POGLUT2: variants seen among roughly 807,000 people sequenced by gnomAD.
POGLUT2 encodes ER protein 58.
In POGLUT2, 47 loss-of-function variants were observed where a neutral mutation model predicts 57.6. The ratio of observed to expected loss-of-function variants is 0.82; its 90% CI spans 0.65 to 1.04. The LOEUF is 1.04. POGLUT2 is among the 50% of genes least tolerant of loss of function. The pLI is 0.00. For synonymous variants in POGLUT2, 200 were observed against 218.8 expected (o/e 0.91, Z 0.76); for missense variants, 565 against 614.8 (o/e 0.92, Z 0.86).
In POGLUT2 at chr13:102,791,138, C is replaced by T; in HGVS notation, c.846G>A (p.Arg282=). 1 of 1,613,428 alleles carries T rather than the reference C, an allele frequency of 6.2e-7. No individual in the cohort carries two copies. Among genetic ancestry groups the T allele is most frequent in the Non-Finnish European group, 8.5e-7 (1 of 1,179,420 alleles). Residue 282 remains arginine (R), a splice_region_variant and synonymous_variant, in exon 6 of 10, where the codon CGG becomes CGA. Transcript: ENST00000376004. ...LTDSVLETMG[R]VSLDMMSVQA... ...GCACGGACATCATATCCAGACTTAC[C>T]CTAGAAGACAAAGTGCAACAGATTT...
At chr13:102,785,398 T>C (rs1566434285) in intron 9 of POGLUT2, among the ~76,000 whole-genome samples, 2 of 151,862 alleles carry the variant, frequency 1.3e-5, no homozygotes, top group Non-Finnish European at 2.9e-5. Context: ...AATTTTGAAC[T>C]TGTCCATTCA....
intron 2 of POGLUT2, among the ~76,000 whole-genome samples, chr13:102,796,366 T>C (rs1463993961): frequency 1.3e-5 from 2 of 149,984 alleles, no homozygotes; most frequent in Admixed American, 6.6e-5. Context: ...GAAAATGGCA[T>C]TGGAACAAAG....
chr13:102,792,015 A>G (rs1156787879), intron 4 of POGLUT2: 3 of 1,289,680 alleles, frequency 2.3e-6, no homozygotes, highest in East Asian at 5.5e-5. Flanking sequence ...GCATCTTGAG[A>G]AACCGAAGTC....
At chr13:102,793,941 T>C (rs1878281046) in intron 2 of POGLUT2, 135 bp from the exon 3 acceptor site, 1 of 762,442 alleles carries the variant, frequency 1.3e-6, no homozygotes. Context: ...GAAAACACAT[T>C]TTAAGAGAAT....
At chr13:102,794,704 C>T (rs1460843365) in intron 2 of POGLUT2, among the ~76,000 whole-genome samples, 1 of 152,018 alleles carries the variant, frequency 6.6e-6, no homozygotes, top group Non-Finnish European at 1.5e-5. Flanking sequence ...TGGTTTATGT[C>T]TATGGTAATA....
chr13:102,796,293 C>CAAAAAAAAAAAAAAAAAAAAAAA (rs151064207), intron 2 of POGLUT2, among the ~76,000 whole-genome samples: 1 of 100,738 alleles, frequency 9.9e-6, no homozygotes, highest in African/African-American at 3.7e-5. Context: ...GACTCTGCCT[C>CAAAAAAAAAAAAAAAAAAAAAAA]AAAAAAAAAA....
intron 4 of POGLUT2, 61 bp downstream of exon 4, chr13:102,793,280 A>G: frequency 1.1e-6 from 1 of 922,266 alleles, no homozygotes; most frequent in Non-Finnish European, 1.8e-6. Flanking sequence ...ATTTTGAAAA[A>G]TTATCCTGTA....
intron 1 of POGLUT2, among the ~76,000 whole-genome samples, chr13:102,797,895 C>T (rs1454704197): frequency 6.6e-6 from 1 of 152,114 alleles, no homozygotes; most frequent in African/African-American, 2.4e-5. Context: ...AGTCAGCATC[C>T]ACCAATAATA....
In POGLUT2 at chr13:102,798,566, C is replaced by T; in HGVS notation, c.105G>A (p.Trp35Ter). The T allele has an allele frequency of 6.2e-7, 1 of 1,613,482 alleles. No homozygotes were observed. Among genetic ancestry groups the T allele is most frequent in the Non-Finnish European group, 8.5e-7 (1 of 1,179,712 alleles). Residue 35 changes from tryptophan to a stop codon, truncating the protein, a stop_gained, in exon 1 of 10, where the codon TGG (tryptophan) becomes TGA (stop). Coordinates refer to ENST00000376004, the MANE Select transcript of POGLUT2 (RefSeq NM_024089.3). LOFTEE classifies it high-confidence loss of function. ...CGACGTCTGCTTTTAGCCCGGGTCC[C>T]CATATTTCGCTCTTCTCCGGGCTCA... ...RQLSPEKSEI[W>*]GPGLKADVVL...
intron 9 of POGLUT2, among the ~76,000 whole-genome samples, chr13:102,785,770 A>G (rs1267741273): frequency 1.3e-5 from 2 of 152,220 alleles, no homozygotes; most frequent in Non-Finnish European, 2.9e-5. Context: ...ATTTTTATCA[A>G]TGAGATCCTT....
chr13:102,785,113 A>C (rs1595304369), intron 9 of POGLUT2, among the ~76,000 whole-genome samples: 1 of 152,224 alleles, frequency 6.6e-6, no homozygotes, highest in East Asian at 1.9e-4. Context: ...GTGGTTAATG[A>C]GTTCTATAAA....
intron 8 of POGLUT2, 80 bp from the exon 9 acceptor site, chr13:102,786,419 A>T (rs1877944243): frequency 3.3e-6 from 3 of 898,640 alleles, no homozygotes; most frequent in Non-Finnish European, 3.7e-6. Flanking sequence ...ATATATGAAG[A>T]CTATGATTCA....
At position 102,798,834 on chromosome 13, in the gene POGLUT2, AC is replaced by A; in HGVS notation, c.-165del. The A allele has an allele frequency of 1.6e-6, 1 of 632,750 alleles. No individual in the cohort carries two copies. The highest frequency in any genetic ancestry group is 2.5e-6 in the Non-Finnish European group (1 of 394,716). The allele number at this position is 632,750 out of a possible 1,614,324, so 39.2% of individuals were successfully genotyped here. The stretch of plus-strand genomic sequence containing the variant: ...CAGGGCAGGCGCGCGGGTCTCCGCG[AC>A]CCCAGGACAATCAAAGCCCGTGCCC... On this transcript the variant is annotated 5_prime_UTR_variant, in exon 1 of 10. Transcript: ENST00000376004.
chr13:102,794,931 CT>C (rs71131019), intron 2 of POGLUT2, among the ~76,000 whole-genome samples: 33,504 of 136,826 alleles, frequency 0.24, 3,994 homozygotes, highest in East Asian at 0.39. Context: ...AACTGCTATT[CT>C]TTTTTTTTTT....
intron 1 of POGLUT2, among the ~76,000 whole-genome samples, chr13:102,797,856 C>T (rs1438688465): frequency 6.6e-6 from 1 of 152,052 alleles, no homozygotes; most frequent in African/African-American, 2.4e-5. Context: ...CCTTTTATTC[C>T]AGTATTTTTT....
intron 2 of POGLUT2, among the ~76,000 whole-genome samples, chr13:102,796,549 C>T (rs963810425): frequency 1.3e-5 from 2 of 150,636 alleles, no homozygotes; most frequent in Non-Finnish European, 3.0e-5. Flanking sequence ...TGTATGTCTT[C>T]GCGGAGTAAA....
intron 4 of POGLUT2, chr13:102,791,902 G>A (rs765076343): frequency 2.1e-5 from 19 of 920,108 alleles, no homozygotes; most frequent in Non-Finnish European, 2.9e-5. Context: ...GCATGAATAT[G>A]TAAAGAGGAT....
intron 8 of POGLUT2, 123 bp from the exon 9 acceptor site, chr13:102,786,462 T>C (rs1877947682): frequency 2.9e-6 from 2 of 695,664 alleles, no homozygotes; most frequent in Admixed American, 4.3e-5. Flanking sequence ...GTGATCTGCA[T>C]AGTCCGTCAT....
intron 6 of POGLUT2, among the ~76,000 whole-genome samples, chr13:102,789,658 C>T (rs145462185): frequency 3.8e-4 from 58 of 152,298 alleles, no homozygotes; most frequent in Middle Eastern, 3.4e-3. Context: ...AGTGTAGTGG[C>T]GTGATCTCAG....
Sources: allele counts gnomAD v4.1 joint callset (sites outside exome capture counted in the v4.1 genomes callset), GRCh38; gene constraint gnomAD v4.1.1; transcripts MANE v1.5; gene names NCBI Gene and HGNC (gene_info 2026-07-23, HGNC 2026-07-21).